Variants in CSMD1 observed in about 807,000 individuals in gnomAD.
CSMD1 encodes the protein CUB and Sushi multiple domains 1.
CSMD1 carries 213 observed loss-of-function variants against 417.5 expected under a neutral mutation model. The observed-to-expected ratio is 0.51, with a 90% CI of 0.46 to 0.57. The LOEUF (loss-of-function observed/expected upper bound fraction) is 0.57. CSMD1 is among the 20% of genes least tolerant of loss of function. The pLI is 0.00. For missense variants in CSMD1, 6,923 were observed against 4,529.7 expected, an observed-to-expected ratio of 1.53 and a Z score of -15.17; for synonymous variants, 2,862 against 1,736.8, an observed-to-expected ratio of 1.65 and a Z score of -16.11.
rs557416874 is a variant in CSMD1, at chr8:3,632,351, C to G, written c.1010-15554G>C. ...CTTGGACCTTCAGCCCTGACACCCC[C>G]CCATCCCCACTTAATCCTCAATGAC... On this transcript the variant is annotated intron_variant, in intron 7 of 69. Coordinates refer to ENST00000635120, the MANE Select transcript of CSMD1 (RefSeq NM_033225.6). Among the ~76,000 whole-genome samples, 3 of 152,248 alleles carry G rather than the reference C, an allele frequency of 2.0e-5. No homozygotes were observed. The South Asian group carries it at 6.2e-4, about 32-fold the overall frequency.
At chr8:3,873,428 T>C (rs1018797849) in intron 5 of CSMD1, among the ~76,000 whole-genome samples, 1 of 152,044 alleles carries the variant, frequency 6.6e-6, no homozygotes, top group African/African-American at 2.4e-5. Flanking sequence ...CTGGAGGCCA[T>C]TATCTTTAGC....
chr8:4,461,864 C>T (rs1378812488), intron 2 of CSMD1, among the ~76,000 whole-genome samples: 1 of 151,646 alleles, frequency 6.6e-6, no homozygotes, highest in African/African-American at 2.4e-5. Flanking sequence ...CCTCAGCCTC[C>T]CGAGTAGCTC....
rs193008312 is a variant in CSMD1, at chr8:3,251,543, G to T, written c.4154-21312C>A. On this transcript the variant is annotated intron_variant, in intron 26 of 69. Coordinates refer to ENST00000635120, the MANE Select transcript of CSMD1 (RefSeq NM_033225.6). ...CTTGGCTTAGGATTGACTTGGCGAT[G>T]CGGGCTCTTTTTTGGTTCCATATGA... Among the ~76,000 whole-genome samples, 903 of 152,212 alleles carry T rather than the reference G, an allele frequency of 5.9e-3. 4 individuals carry two copies. Among genetic ancestry groups the T allele is most frequent in the African/African-American group, 0.02 (812 of 41,526 alleles).
chr8:4,323,976 C>G (rs997655049), intron 3 of CSMD1, among the ~76,000 whole-genome samples: 1 of 152,158 alleles, frequency 6.6e-6, no homozygotes, highest in Non-Finnish European at 1.5e-5. Context: ...AGCCTGCTGC[C>G]TCAAGGACTT....
At chr8:4,241,030 A>G (rs545502897) in intron 3 of CSMD1, among the ~76,000 whole-genome samples, 1 of 152,088 alleles carries the variant, frequency 6.6e-6, no homozygotes, top group Non-Finnish European at 1.5e-5. Context: ...GACTAGTGTT[A>G]TTTCTTAGTC....
intron 6 of CSMD1, among the ~76,000 whole-genome samples, chr8:3,724,544 G>T (rs901371310): frequency 1.3e-5 from 2 of 152,000 alleles, no homozygotes; most frequent in African/African-American, 2.4e-5. Context: ...GGGTCCTAAG[G>T]CTGAATGATC....
chr8:4,470,794 T>C (rs1800485082), intron 2 of CSMD1, among the ~76,000 whole-genome samples: 1 of 152,244 alleles, frequency 6.6e-6, no homozygotes, highest in African/African-American at 2.4e-5. Flanking sequence ...TTAAGGATTG[T>C]CTAACACATT....
At chr8:4,818,977 C>A (rs952638807) in intron 1 of CSMD1, among the ~76,000 whole-genome samples, 10 of 152,208 alleles carry the variant, frequency 6.6e-5, no homozygotes, top group African/African-American at 1.9e-4. Flanking sequence ...TTGATTTCTT[C>A]ATTTGCAAAA....
At chr8:2,964,061 C>G (rs1226143180) in intron 59 of CSMD1, among the ~76,000 whole-genome samples, 2 of 152,156 alleles carry the variant, frequency 1.3e-5, no homozygotes, top group African/African-American at 4.8e-5. Flanking sequence ...CTAAAATGCA[C>G]AAAGGGAGGC....
At chr8:3,967,517 A>T (rs1308400511) in intron 5 of CSMD1, among the ~76,000 whole-genome samples, 1 of 152,022 alleles carries the variant, frequency 6.6e-6, no homozygotes, top group Non-Finnish European at 1.5e-5. Context: ...TTGGATGGAG[A>T]ATTAAAGAGA....
At chr8:3,631,180 T>G (rs73493663) in intron 7 of CSMD1, among the ~76,000 whole-genome samples, 10 of 152,158 alleles carry the variant, frequency 6.6e-5, no homozygotes, top group African/African-American at 2.4e-4. Flanking sequence ...GCAGGACTCC[T>G]TCCCCTTCTC....
chr8:3,110,456 T>C (rs1311702223), intron 42 of CSMD1, 121 bp from the exon 43 acceptor site: 3 of 743,078 alleles, frequency 4.0e-6, no homozygotes, highest in Non-Finnish European at 6.0e-6. Context: ...AGGTGTGAAA[T>C]ATTTCTGAAT....
intron 3 of CSMD1, among the ~76,000 whole-genome samples, chr8:4,405,708 G>A (rs1804970760): frequency 6.6e-6 from 1 of 152,138 alleles, no homozygotes; most frequent in South Asian, 2.1e-4. Context: ...TGTGTCTATT[G>A]CTTCTTATGA....
chr8:4,209,912 A>T (rs913676884), intron 3 of CSMD1, among the ~76,000 whole-genome samples: 1 of 152,202 alleles, frequency 6.6e-6, no homozygotes, highest in Non-Finnish European at 1.5e-5. Flanking sequence ...GTCTCCATGG[A>T]AAGCGGTGAC....
intron 2 of CSMD1, among the ~76,000 whole-genome samples, chr8:4,575,843 C>G (rs1563301408): frequency 1.3e-5 from 2 of 152,274 alleles, no homozygotes; most frequent in East Asian, 1.9e-4. Context: ...ACTAGATCAT[C>G]TCAGTCGCCT....
chr8:4,242,852 AATTAG>A (rs1422212413), intron 3 of CSMD1, among the ~76,000 whole-genome samples: 4 of 152,352 alleles, frequency 2.6e-5, no homozygotes, highest in Non-Finnish European at 4.4e-5. Flanking sequence ...TCACTAGGTA[AATTAG>A]ATTAAAGCAT....
intron 33 of CSMD1, among the ~76,000 whole-genome samples, chr8:3,198,590 G>C (rs1202947142): frequency 1.3e-5 from 2 of 152,124 alleles, no homozygotes; most frequent in Non-Finnish European, 2.9e-5. Context: ...TTTGTCTCCT[G>C]ATTAACTGTT....
intron 26 of CSMD1, among the ~76,000 whole-genome samples, chr8:3,262,203 A>ATG (rs1458872996): frequency 1.1e-5 from 1 of 90,080 alleles, no homozygotes; most frequent in Non-Finnish European, 2.6e-5. Flanking sequence ...ATATATATAT[A>ATG]TATATATATA....
rs572295794 is a variant in CSMD1 at position 3,931,288 on chromosome 8, T to C, written c.818+66615A>G. On this transcript the variant is annotated intron_variant, in intron 5 of 69. Coordinates refer to ENST00000635120, the MANE Select transcript of CSMD1 (RefSeq NM_033225.6). The stretch of plus-strand genomic sequence containing the variant: ...CATTTTGAATTGTTAATAAATGGTA[T>C]TGTGAAATTTTCAAATAAAATATTT... Among the ~76,000 whole-genome samples the C allele has an allele frequency of 1.5e-3, 225 of 150,686 alleles. 8 individuals carry two copies. Among genetic ancestry groups the C allele is most frequent in the Non-Finnish European group, 2.5e-3 (167 of 67,568 alleles).
Sources: gnomAD v4.1 joint callset for allele counts (sites outside exome capture counted in the v4.1 genomes callset) on GRCh38, gnomAD v4.1.1 for gene constraint, MANE v1.5 for transcripts, NCBI Gene and HGNC (gene_info 2026-07-23, HGNC 2026-07-21) for gene names.